CYB5R3: variants seen among roughly 807,000 people sequenced by gnomAD.
CYB5R3 encodes the protein NADH-cytochrome b5 reductase 3.
A neutral mutation model predicts 36.5 loss-of-function variants in CYB5R3; 28 were observed. The ratio of observed to expected loss-of-function variants is 0.77; its 90% CI spans 0.57 to 1.05. The LOEUF is 1.05. Ranked by LOEUF, CYB5R3 falls within the 50% of genes least tolerant of loss-of-function variation. The pLI is 0.00. For synonymous variants in CYB5R3, 181 were observed against 159.8 expected (o/e 1.13, Z -1.00); for missense variants, 474 against 408.9 (o/e 1.16, Z -1.37).
intron 1 of CYB5R3, among the ~76,000 whole-genome samples, chr22:42,641,464 A>C (rs1929270243): frequency 6.6e-6 from 1 of 151,602 alleles, no homozygotes; most frequent in Non-Finnish European, 1.5e-5. Context: ...ACGCCACCAC[A>C]CTTGGCTAAT....
intron 1 of CYB5R3, among the ~76,000 whole-genome samples, chr22:42,648,335 C>T (rs1325272485): frequency 6.6e-6 from 1 of 152,236 alleles, no homozygotes; most frequent in East Asian, 1.9e-4. Flanking sequence ...GCCAGCCTCC[C>T]CACGCCTAGC....
intron 2 of CYB5R3, among the ~76,000 whole-genome samples, chr22:42,633,952 A>G (rs916121373): frequency 2.0e-5 from 3 of 152,122 alleles, no homozygotes; most frequent in African/African-American, 7.2e-5. Flanking sequence ...AAAACAACCC[A>G]CCAATAACAA....
At chr22:42,620,719 A>G (rs1303755807) in intron 8 of CYB5R3, among the ~76,000 whole-genome samples, 2 of 152,174 alleles carry the variant, frequency 1.3e-5, no homozygotes, top group Middle Eastern at 3.2e-3. Context: ...GAGGGGCCAA[A>G]GCAGTCCCGC....
chr22:42,627,928 C>T (rs1189728272), intron 5 of CYB5R3, among the ~76,000 whole-genome samples: 2 of 152,240 alleles, frequency 1.3e-5, no homozygotes, highest in South Asian at 2.1e-4. Context: ...TAGAGGCTGG[C>T]AGTGGGTGAG....
intron 1 of CYB5R3, among the ~76,000 whole-genome samples, chr22:42,645,234 C>G (rs1387906627): frequency 7.9e-5 from 12 of 152,206 alleles, no homozygotes. Flanking sequence ...GTCGTCACCA[C>G]TGTATCCCCA....
intron 1 of CYB5R3, among the ~76,000 whole-genome samples, chr22:42,645,956 C>T (rs925094513): frequency 6.6e-6 from 1 of 152,086 alleles, no homozygotes; most frequent in Non-Finnish European, 1.5e-5. Context: ...AGACAGACAC[C>T]GGCAGAGAGG....
At chr22:42,621,513 CTT>C (rs1213180221) in intron 8 of CYB5R3, among the ~76,000 whole-genome samples, 3 of 152,260 alleles carry the variant, frequency 2.0e-5, no homozygotes, top group Non-Finnish European at 4.4e-5. Context: ...CCTGTTACCA[CTT>C]TCTTTCTCAA....
rs1486384159 is a variant in CYB5R3 at position 42,639,823 on chromosome 22, G to GCC, written c.22-2978_22-2977insGG. 4.0e-6 allele frequency: 4 copies of GCC among 988,316 alleles called. No individual in the cohort carries two copies. The Admixed American group carries it at 8.8e-5, about 22-fold the overall frequency. 61.2% of individuals were successfully genotyped at this position (988,316 alleles called of 1,614,324 possible). A position where few individuals can be genotyped will look rare whatever the true frequency, so the allele number is the denominator to read the frequency against. On this transcript the variant is annotated intron_variant, in intron 1 of 8. Coordinates refer to ENST00000352397, the MANE Select transcript of CYB5R3 (RefSeq NM_000398.7). ...TAGACACAGTTGACCCTTGAACATG[G>GCC]GTTGGAACTGCTTGATTCACTTTTT...
intron 7 of CYB5R3, among the ~76,000 whole-genome samples, chr22:42,625,391 G>C (rs941902928): frequency 6.6e-6 from 1 of 152,026 alleles, no homozygotes; most frequent in Non-Finnish European, 1.5e-5. Context: ...ACCTGTAATC[G>C]CAGCTACTCA....
chr22:42,628,331 C>CGA, intron 4 of CYB5R3, 50 bp from the exon 5 acceptor site: 1 of 1,608,762 alleles, frequency 6.2e-7, no homozygotes. Flanking sequence ...GTCTCAGGGG[C>CGA]GAGCTCTTGC....
intron 2 of CYB5R3, 73 bp downstream of exon 2, chr22:42,636,642 A>C: frequency 1.3e-6 from 2 of 1,580,974 alleles, no homozygotes; most frequent in Non-Finnish European, 1.7e-6. Flanking sequence ...GAGCAGGACC[A>C]TGCCCTGAGC....
intron 7 of CYB5R3, 64 bp from the exon 8 acceptor site, chr22:42,623,952 A>G: frequency 3.5e-6 from 5 of 1,426,446 alleles, no homozygotes; most frequent in Non-Finnish European, 3.9e-6. Context: ...GAGACACTCA[A>G]CAGAGACGCG....
At chr22:42,628,409 A>G in intron 4 of CYB5R3, 128 bp from the exon 5 acceptor site, 1 of 1,179,474 alleles carries the variant, frequency 8.5e-7, no homozygotes, top group East Asian at 2.4e-5. Flanking sequence ...TCTCCCGTGG[A>G]GCCCCATCCA....
At chr22:42,624,543 G>A (rs1928164874) in intron 7 of CYB5R3, among the ~76,000 whole-genome samples, 1 of 142,250 alleles carries the variant, frequency 7.0e-6, no homozygotes, top group Non-Finnish European at 1.5e-5. Flanking sequence ...AAAGCTTCCT[G>A]GACCCTCCAG....
intron 8 of CYB5R3, among the ~76,000 whole-genome samples, chr22:42,623,533 G>A (rs1429416120): frequency 1.3e-5 from 2 of 152,220 alleles, no homozygotes; most frequent in African/African-American, 4.8e-5. Context: ...GCTGGGCAGT[G>A]CAGTGCGCCC....
At position 42,618,235 on chromosome 22, in the gene CYB5R3, T is replaced by C. The variant is rs1200902548; in HGVS notation, c.*1538A>G. 1.3e-5 allele frequency: 2 copies of C among 152,180 alleles called. No individual in the cohort carries two copies. The highest frequency in any genetic ancestry group is 1.9e-4 in the East Asian group (1 of 5,184). The allele number at this position is 152,180 out of a possible 1,614,324, so 9.4% of individuals were successfully genotyped here. On this transcript the variant is annotated 3_prime_UTR_variant, in exon 9 of 9. Coordinates refer to ENST00000352397, the MANE Select transcript of CYB5R3 (RefSeq NM_000398.7). ...CTTTCCAAATTTTCTACCACAAAGA[T>C]ACATCAGAAATAAATGCTGGAGCCG...
chr22:42,620,154 T>A (rs1927888866), intron 8 of CYB5R3, among the ~76,000 whole-genome samples: 1 of 152,210 alleles, frequency 6.6e-6, no homozygotes, highest in Non-Finnish European at 1.5e-5. Flanking sequence ...AAGCCCATCA[T>A]GGTTCCCCTG....
chr22:42,627,312 C>G lies in CYB5R3; in HGVS notation c.625G>C (p.Ala209Pro), dbSNP rs1928323831. Residue 209 changes from alanine (A) to proline (P), a missense_variant, in exon 7 of 9, where the codon GCC (alanine) becomes CCC (proline). By Grantham distance (27) the Ala-to-Pro change is conservative. Transcript: ENST00000352397. Reference protein sequence around the residue: ...DDHTVCHLLFANQTEKDILLR... With the variant: ...DDHTVCHLLFPNQTEKDILLR... ...TGGGGATGCCCACTGACCTGGTTGG[C>G]AAAGAGCAGGTGGCACACAGTGTGG... The G allele has an allele frequency of 1.2e-6, 2 of 1,613,924 alleles. No individual in the cohort carries two copies. Among genetic ancestry groups the G allele is most frequent in the Non-Finnish European group, 1.7e-6 (2 of 1,179,938 alleles).
In CYB5R3 at chr22:42,635,123, C is replaced by T. The variant is rs1928827087; in HGVS notation, c.153+1592G>A. 3.3e-5 allele frequency among the ~76,000 whole-genome samples: 5 copies of T among 152,308 alleles called. No individual in the cohort carries two copies. In the South Asian group the frequency reaches 8.3e-4, roughly 25 times the overall value. The stretch of plus-strand genomic sequence containing the variant: ...CGGCTGGGACTACAGGTGCCTGCCA[C>T]CACGCCTGGCTAATTTTTTGTATTT... On this transcript the variant is annotated intron_variant, in intron 2 of 8. Coordinates refer to ENST00000352397, the MANE Select transcript of CYB5R3 (RefSeq NM_000398.7).
Sources: allele counts gnomAD v4.1 joint callset (sites outside exome capture counted in the v4.1 genomes callset), GRCh38; gene constraint gnomAD v4.1.1; transcripts MANE v1.5; gene names NCBI Gene and HGNC (gene_info 2026-07-23, HGNC 2026-07-21).